B4GALNT3: variants seen among roughly 807,000 people sequenced by gnomAD.
B4GALNT3 encodes beta-1,4-N-acetylgalactosaminyltransferase 3.
Under a neutral mutation model 120.2 loss-of-function variants are expected in B4GALNT3, and 86 were observed. That is an observed-to-expected ratio of 0.72 (90% CI 0.60 to 0.86). The LOEUF is 0.86. B4GALNT3 is among the 40% of genes least tolerant of loss of function. The pLI is 0.00. For missense variants in B4GALNT3, 1,167 were observed against 1,298.9 expected (o/e 0.90, Z 1.56); for synonymous variants, 518 against 510.4 (o/e 1.01, Z -0.20).
At position 558,644 on chromosome 12, in the gene B4GALNT3, C is replaced by A. The variant is rs766208200; in HGVS notation, c.2744C>A (p.Thr915Asn). 9 of 1,613,510 alleles carry A rather than the reference C, an allele frequency of 5.6e-6. No homozygotes were observed. The highest frequency in any genetic ancestry group is 1.7e-5 in the Admixed American group (1 of 59,994). The change falls in exon 18 of 20, where the codon ACC becomes AAC. Residue 915 changes from threonine to asparagine, a missense_variant. Thr to Asn is a moderately conservative substitution (Grantham distance 65). Around this residue, in one of 3 missense-constraint regions of B4GALNT3, gnomAD observed 983 missense variants for 1,102.5 expected, o/e 0.89. Coordinates refer to ENST00000266383, the MANE Select transcript of B4GALNT3 (RefSeq NM_173593.4). ...GTGATGAGGCTGCATTGTGGGGCCA[C>A]CCCCCAGTGGCCTGAGGGTGAGCCC... Reference protein sequence around the residue: ...PMVMRLHCGATPQWPEGYWEV... With the variant: ...PMVMRLHCGANPQWPEGYWEV...
chr12:546,927 T>C, intron 7 of B4GALNT3: 1 of 586,916 alleles, frequency 1.7e-6, no homozygotes, highest in Non-Finnish European at 3.0e-6. Context: ...CCGTGACTTA[T>C]TGCAGGTCAC....
In B4GALNT3 at chr12:557,598, C is replaced by T. The variant is rs749979564; in HGVS notation, c.2381-10C>T. The T allele has an allele frequency of 2.5e-6, 4 of 1,606,688 alleles. No homozygotes were observed. The highest frequency in any genetic ancestry group is 3.4e-6 in the Non-Finnish European group (4 of 1,177,410). ...TGTGTTTCCTTCTCCTGCCTGACCC[C>T]CTGGGGTAGTGAAGAACCAGGCACG... On this transcript the variant is annotated splice_polypyrimidine_tract_variant and intron_variant, in intron 15 of 19. Coordinates refer to ENST00000266383, the MANE Select transcript of B4GALNT3 (RefSeq NM_173593.4).
At position 478,633 on chromosome 12, in the gene B4GALNT3, GA is replaced by G. The variant is rs1254880115; in HGVS notation, c.169+18096del. 4.6e-5 allele frequency among the ~76,000 whole-genome samples: 7 copies of G among 151,932 alleles called. No individual in the cohort carries two copies. The East Asian group carries it at 5.8e-4, about 13-fold the overall frequency. On this transcript the variant is annotated intron_variant, in intron 1 of 19. Coordinates refer to ENST00000266383, the MANE Select transcript of B4GALNT3 (RefSeq NM_173593.4). ...ATTCTTCTAGCAGCTTTTTCAACAG[GA>G]AAAAAAATCCTTAAGAAAGGGTTTT...
chr12:559,657 A>G (rs981957699), intron 19 of B4GALNT3, among the ~76,000 whole-genome samples: 2 of 151,956 alleles, frequency 1.3e-5, no homozygotes, highest in Non-Finnish European at 2.9e-5. Context: ...GAAAATTAAC[A>G]TGCCTGGTAC....
intron 1 of B4GALNT3, among the ~76,000 whole-genome samples, chr12:471,717 T>TA (rs1273950257): frequency 3.2e-5 from 1 of 30,896 alleles, no homozygotes; most frequent in Non-Finnish European, 7.5e-5. Context: ...AAAATAATAA[T>TA]AAAAAATAAA....
Position 558,601 on chromosome 12 carries a change from A to G in B4GALNT3, c.2701A>G (p.Met901Val), listed in dbSNP as rs1381407478. Residue 901 changes from methionine to valine, a missense_variant, in exon 18 of 20, where the codon ATG becomes GTG. By Grantham distance (21) the Met-to-Val change is conservative (BLOSUM62 1). Transcript: ENST00000266383. ...TCGGAAGCACTGTGTGGAGGGAAAGATGGCCTTTGCCCCCATGGTGATGAG... is the reference window on the plus strand; with the variant it reads ...TCGGAAGCACTGTGTGGAGGGAAAGGTGGCCTTTGCCCCCATGGTGATGAG... The part of the protein sequence containing the change: ...AIRKHCVEGK[M>V]AFAPMVMRLH... 1 of 1,614,128 alleles carries G rather than the reference A, an allele frequency of 6.2e-7. No homozygotes were observed. Among genetic ancestry groups the G allele is most frequent in the Non-Finnish European group, 8.5e-7 (1 of 1,180,002 alleles).
intron 1 of B4GALNT3, among the ~76,000 whole-genome samples, chr12:512,806 TCTTCCAC>T (rs1398236667): frequency 8.8e-6 from 1 of 114,138 alleles, no homozygotes; most frequent in South Asian, 3.2e-4. Flanking sequence ...CCTTCCACCT[TCTTCCAC>T]CTTCCACCTT....
intron 14 of B4GALNT3, chr12:555,454 G>A (rs1420670608): frequency 4.5e-6 from 2 of 440,780 alleles, no homozygotes; most frequent in Non-Finnish European, 9.2e-6. Flanking sequence ...ATATTCTATT[G>A]TGTGGATATA....
chr12:535,951 C>T (rs1042620590), intron 2 of B4GALNT3, among the ~76,000 whole-genome samples: 23 of 152,062 alleles, frequency 1.5e-4, no homozygotes, highest in African/African-American at 5.6e-4. Flanking sequence ...AAGAGGGAGC[C>T]GAGGTCCCTG....
intron 1 of B4GALNT3, among the ~76,000 whole-genome samples, chr12:482,584 G>A (rs1242220086): frequency 2.6e-5 from 4 of 152,170 alleles, no homozygotes; most frequent in East Asian, 1.9e-4. Context: ...GTGGGGATTC[G>A]TCTGTATTTG....
chr12:491,106 G>T (rs1436538932), intron 1 of B4GALNT3, among the ~76,000 whole-genome samples: 1 of 152,108 alleles, frequency 6.6e-6, no homozygotes, highest in East Asian at 1.9e-4. Flanking sequence ...TATCTCTTAT[G>T]AACATAGATG....
At chr12:534,945 G>A (rs969603074) in intron 1 of B4GALNT3, among the ~76,000 whole-genome samples, 7 of 152,210 alleles carry the variant, frequency 4.6e-5, no homozygotes, top group South Asian at 2.1e-4. Flanking sequence ...TCTGGAAGGC[G>A]GTGACTGCTG....
In B4GALNT3 at chr12:511,358, C is replaced by A. The variant is rs565046715; in HGVS notation, c.170-23808C>A. On this transcript the variant is annotated intron_variant, in intron 1 of 19. Transcript: ENST00000266383. ...CCACCTTCCTTCCACCTTCCACCTT[C>A]CACCTTCAACCTTCCGCCTTCCGCC... Among the ~76,000 whole-genome samples, 49 of 133,596 alleles carry A rather than the reference C, an allele frequency of 3.7e-4. 3 individuals are homozygous for A. The highest frequency in any genetic ancestry group is 6.0e-4 in the Non-Finnish European group (36 of 59,850). The allele number at this position is 133,596 out of a possible 152,430, so 87.6% of individuals were successfully genotyped here. A position where few individuals can be genotyped will look rare whatever the true frequency, so the allele number is the denominator to read the frequency against.
At chr12:468,194 G>T (rs1050212000) in intron 1 of B4GALNT3, among the ~76,000 whole-genome samples, 8 of 152,092 alleles carry the variant, frequency 5.3e-5, no homozygotes, top group East Asian at 1.9e-4. Flanking sequence ...ATATGAAGAA[G>T]AAATGAACAA....
At position 550,359 on chromosome 12, in the gene B4GALNT3, C is replaced by T. The variant is rs2120715980; in HGVS notation, c.997+447C>T. Reference sequence around the variant, plus strand: ...GCCAAGATGGCCAGGCATGGTGGCTCATTCCTGTCATCCTGGCACTTTGGG... The same window carrying T: ...GCCAAGATGGCCAGGCATGGTGGCTTATTCCTGTCATCCTGGCACTTTGGG... On this transcript the variant is annotated intron_variant, in intron 10 of 19. Coordinates refer to ENST00000266383, the MANE Select transcript of B4GALNT3 (RefSeq NM_173593.4). The surrounding 1 kb of genome is among the most constrained non-coding windows in gnomAD (Gnocchi z 4.1). Among the ~76,000 whole-genome samples, 1 of 152,304 alleles carries T rather than the reference C, an allele frequency of 6.6e-6. No individual in the cohort carries two copies. Among genetic ancestry groups the T allele is most frequent in the Admixed American group, 6.5e-5 (1 of 15,294 alleles).
chr12:533,525 C>T (rs1186383244), intron 1 of B4GALNT3, among the ~76,000 whole-genome samples: 1 of 152,190 alleles, frequency 6.6e-6, no homozygotes, highest in South Asian at 2.1e-4. Context: ...GCCTCTGCGC[C>T]GGCACTCCTC....
intron 1 of B4GALNT3, among the ~76,000 whole-genome samples, chr12:529,750 G>A (rs1048244190): frequency 9.8e-5 from 14 of 142,424 alleles, no homozygotes; most frequent in African/African-American, 2.9e-4. Context: ...ACATCCTGCC[G>A]TGTACCTTCG....
intron 1 of B4GALNT3, among the ~76,000 whole-genome samples, chr12:464,483 A>G (rs1371448695): frequency 1.3e-5 from 2 of 152,098 alleles, no homozygotes; most frequent in Non-Finnish European, 2.9e-5. Context: ...AGATTAAAAA[A>G]ATACCCAGGC....
intron 3 of B4GALNT3, among the ~76,000 whole-genome samples, chr12:537,592 T>G (rs1946874030): frequency 6.6e-6 from 1 of 152,190 alleles, no homozygotes; most frequent in African/African-American, 2.4e-5. Flanking sequence ...AAACTGAGGC[T>G]CAAGGAAGTT....
Sources: gnomAD v4.1 joint callset for allele counts (sites outside exome capture counted in the v4.1 genomes callset) on GRCh38, gnomAD v4.1.1 for gene constraint, gnomAD v4.1.1 regional missense constraint, Gnocchi (gnomAD v3.1) non-coding constraint, MANE v1.5 for transcripts, NCBI Gene and HGNC (gene_info 2026-07-23, HGNC 2026-07-21) for gene names.